GPHN: variants seen among roughly 807,000 people sequenced by gnomAD.
The protein encoded by GPHN is gephyrin.
In GPHN, 17 loss-of-function variants were observed where a neutral mutation model predicts 95.5. The ratio of observed to expected loss-of-function variants is 0.18; its 90% confidence interval spans 0.12 to 0.27. The LOEUF is 0.27. Among genes scored for constraint, GPHN ranks in the 10% least tolerant of loss-of-function variants. GPHN has a pLI of 1.00. For missense variants in GPHN, 660 were observed against 978.1 expected (o/e 0.67, Z 4.34); for synonymous variants, 320 against 322.5 (o/e 0.99, Z 0.08).
chr14:67,086,241 A>G (rs1044889125), intron 11 of GPHN, among the ~76,000 whole-genome samples: 1 of 152,230 alleles, frequency 6.6e-6, no homozygotes, highest in East Asian at 1.9e-4. Flanking sequence ...GCTGGTTTAT[A>G]TGGTAATTAT....
At chr14:66,532,418 G>T (rs2058978984) in intron 1 of GPHN, among the ~76,000 whole-genome samples, 1 of 152,186 alleles carries the variant, frequency 6.6e-6, no homozygotes, top group Admixed American at 6.5e-5. Flanking sequence ...AGAGGAAGCA[G>T]AAGATGCCAG....
At chr14:67,493,642 G>A in the GPHN span, among the ~76,000 whole-genome samples, 3 of 152,242 alleles carry the variant, frequency 2.0e-5, no homozygotes, top group Admixed American at 2.0e-4. Context: ...CTGCCTGTTG[G>A]GGTGAGCATC....
intron 1 of GPHN, among the ~76,000 whole-genome samples, chr14:66,591,185 C>G (rs983321281): frequency 6.6e-6 from 1 of 152,094 alleles, no homozygotes; most frequent in Admixed American, 6.5e-5. Context: ...TATGACAAAC[C>G]CGCAGCCAAT....
chr14:67,732,176 C>T, the GPHN span, among the ~76,000 whole-genome samples: 1 of 150,300 alleles, frequency 6.7e-6, no homozygotes, highest in Non-Finnish European at 1.5e-5. Flanking sequence ...GCGGCTCATG[C>T]CTGTAGTCCC....
the GPHN span, among the ~76,000 whole-genome samples, chr14:67,208,905 AAAAAG>A: frequency 6.6e-5 from 10 of 152,058 alleles, no homozygotes; most frequent in East Asian, 1.2e-3. Flanking sequence ...TCAAAAAAAA[AAAAAG>A]AAAAGAAAAA....
the GPHN span, among the ~76,000 whole-genome samples, chr14:67,261,717 C>A: frequency 6.6e-6 from 1 of 151,996 alleles, no homozygotes; most frequent in Non-Finnish European, 1.5e-5. Context: ...AAAATTCACA[C>A]ACATATCTAC....
chr14:66,812,182 C>G (rs2060791030), intron 3 of GPHN, among the ~76,000 whole-genome samples: 1 of 152,160 alleles, frequency 6.6e-6, no homozygotes, highest in South Asian at 2.1e-4. Context: ...TGGCTGACCT[C>G]TGAGCCATGA....
the GPHN span, among the ~76,000 whole-genome samples, chr14:67,195,320 T>C: frequency 6.6e-6 from 1 of 152,138 alleles, no homozygotes; most frequent in African/African-American, 2.4e-5. Flanking sequence ...CTCCTCCCTC[T>C]CTGTGTCCTG....
At chr14:67,363,717 G>A in the GPHN span, among the ~76,000 whole-genome samples, 2 of 152,310 alleles carry the variant, frequency 1.3e-5, no homozygotes, top group African/African-American at 4.8e-5. Context: ...TCTGTAGGTA[G>A]TGGAAAGATA....
chr14:66,514,809 A>G (rs1009673185), intron 1 of GPHN, among the ~76,000 whole-genome samples: 13 of 152,024 alleles, frequency 8.6e-5, no homozygotes, highest in African/African-American at 3.1e-4. Flanking sequence ...ATTCTCTTCA[A>G]TGATGTCTTT....
the GPHN span, among the ~76,000 whole-genome samples, chr14:67,194,701 C>T: frequency 1.3e-5 from 2 of 152,144 alleles, no homozygotes; most frequent in Non-Finnish European, 2.9e-5. Flanking sequence ...TGGGGTTTCA[C>T]CTTGTTGGTC....
At chr14:66,624,745 G>A (rs1320022234) in intron 1 of GPHN, among the ~76,000 whole-genome samples, 1 of 152,214 alleles carries the variant, frequency 6.6e-6, no homozygotes, top group South Asian at 2.1e-4. Context: ...ACTTGAGACT[G>A]TATGGGGCTT....
rs146623087 is a variant in GPHN at position 67,057,678 on chromosome 14, C to G, written c.1007-971C>G. 1.6e-4 allele frequency among the ~76,000 whole-genome samples: 24 copies of G among 152,084 alleles called. No individual in the cohort carries two copies. The South Asian group carries it at 2.5e-3, about 16-fold the overall frequency. On this transcript the variant is annotated intron_variant, in intron 10 of 22. Coordinates refer to ENST00000478722, the MANE Select transcript of GPHN (RefSeq NM_020806.5). The stretch of plus-strand genomic sequence containing the variant: ...TTTCTTTCTCCTTCTTTTCTTGCTT[C>G]CTTCCTTCCTTCCTCTTTCTCTTTC...
chr14:67,324,331 G>A, the GPHN span, among the ~76,000 whole-genome samples: 1 of 152,084 alleles, frequency 6.6e-6, no homozygotes, highest in Non-Finnish European at 1.5e-5. Context: ...CTGATAACAT[G>A]TTATTAATAA....
the GPHN span, among the ~76,000 whole-genome samples, chr14:67,466,122 C>T: frequency 1.3e-5 from 2 of 152,228 alleles, no homozygotes; most frequent in Non-Finnish European, 2.9e-5. Context: ...ACTGATACAA[C>T]CCCATACTTT....
At chr14:67,004,828 C>T (rs2072490608) in intron 9 of GPHN, among the ~76,000 whole-genome samples, 1 of 151,532 alleles carries the variant, frequency 6.6e-6, no homozygotes, top group Non-Finnish European at 1.5e-5. Flanking sequence ...GGTAGTAAGG[C>T]TTATTTAATT....
intron 1 of GPHN, among the ~76,000 whole-genome samples, chr14:66,641,277 G>A (rs2064391774): frequency 1.3e-5 from 2 of 152,168 alleles, no homozygotes; most frequent in Non-Finnish European, 2.9e-5. Flanking sequence ...ATACTCTATT[G>A]CAGTGTTGGG....
At chr14:67,420,391 C>T in the GPHN span, among the ~76,000 whole-genome samples, 1 of 152,198 alleles carries the variant, frequency 6.6e-6, no homozygotes, top group Non-Finnish European at 1.5e-5. Flanking sequence ...GAGCTGTGAA[C>T]GAAGGGACGT....
At chr14:67,431,401 A>C in the GPHN span, among the ~76,000 whole-genome samples, 20 of 95,212 alleles carry the variant, frequency 2.1e-4, no homozygotes, top group African/African-American at 4.3e-4. Context: ...CAAAAAAAAA[A>C]AAAAAAAAAA....
Sources: allele counts gnomAD v4.1 joint callset (sites outside exome capture counted in the v4.1 genomes callset), GRCh38; gene constraint gnomAD v4.1.1; transcripts MANE v1.5; gene names NCBI Gene and HGNC (gene_info 2026-07-23, HGNC 2026-07-21).